DYRK3: variants seen among roughly 807,000 people sequenced by gnomAD.
DYRK3 encodes dual specificity tyrosine-phosphorylation-regulated kinase 3.
A neutral mutation model predicts 40.8 loss-of-function variants in DYRK3; 30 were observed. The observed-to-expected ratio is 0.74, with a 90% CI of 0.55 to 1.00. The LOEUF is 1.00. Among genes scored for constraint, DYRK3 ranks in the 50% least tolerant of loss-of-function variants. The pLI, the probability that DYRK3 is intolerant of heterozygous loss-of-function variation, is 0.00. For synonymous variants in DYRK3, 272 were observed against 260.7 expected, an observed-to-expected ratio of 1.04 and a Z score of -0.42; for missense variants, 699 against 731.5, an observed-to-expected ratio of 0.96 and a Z score of 0.51.
Position 206,648,262 on chromosome 1 carries a change from A to G in DYRK3, c.1064A>G (p.Asp355Gly). 1 of 1,614,146 alleles carries G rather than the reference A, an allele frequency of 6.2e-7. No homozygotes were observed. The highest frequency in any genetic ancestry group is 8.5e-7 in the Non-Finnish European group (1 of 1,180,034). Residue 355 changes from aspartate (D) to glycine (G), a missense_variant, in exon 3 of 3, where the codon GAC (aspartate) becomes GGC (glycine). Physicochemically the swap from Asp to Gly is moderately conservative, Grantham distance 94. Coordinates refer to ENST00000367109, the MANE Select transcript of DYRK3 (RefSeq NM_003582.4). ...GGGCGCAGTTCAACCAAGGTCATTG[A>G]CTTTGGGTCCAGCTGTTTCGAGTAC... ...HHGRSSTKVI[D>G]FGSSCFEYQK...
intron 1 of DYRK3, 150 bp downstream of exon 1, chr1:206,635,930 C>A: frequency 7.6e-7 from 1 of 1,314,000 alleles, no homozygotes. Flanking sequence ...ACCGCCCCCA[C>A]CTCCTCTCTA....
chr1:206,648,479 G>A lies in DYRK3; in HGVS notation c.1281G>A (p.Met427Ile). The A allele has an allele frequency of 1.2e-6, 2 of 1,614,162 alleles. No individual in the cohort carries two copies. Among genetic ancestry groups the A allele is most frequent in the East Asian group, 2.2e-5 (1 of 44,874 alleles). Reference sequence around the variant, plus strand: ...CCTGCATGATGGAGCTTCTAGGGATGCCACCACCAAAACTTCTGGAGCAAT... The same window carrying A: ...CCTGCATGATGGAGCTTCTAGGGATACCACCACCAAAACTTCTGGAGCAAT... ...QLACMMELLG[M>I]PPPKLLEQSK... The change falls in exon 3 of 3, where the codon ATG (methionine) becomes ATA (isoleucine). Residue 427 changes from methionine to isoleucine, a missense_variant. Physicochemically the swap from Met to Ile is conservative, Grantham distance 10 (BLOSUM62 1). Transcript: ENST00000367109.
intron 2 of DYRK3, among the ~76,000 whole-genome samples, chr1:206,643,799 C>A (rs540259487): frequency 6.6e-6 from 1 of 151,758 alleles, no homozygotes; most frequent in Non-Finnish European, 1.5e-5. Context: ...TGGAGGAAGC[C>A]GCCAGCAAGA....
At chr1:206,636,235 A>T in intron 1 of DYRK3, 1 of 402,418 alleles carries the variant, frequency 2.5e-6, no homozygotes, top group South Asian at 2.0e-5. Flanking sequence ...GTTATGGGCT[A>T]TGCTGGGTAC....
intron 2 of DYRK3, among the ~76,000 whole-genome samples, chr1:206,646,496 A>G (rs1028168951): frequency 6.6e-6 from 1 of 152,156 alleles, no homozygotes; most frequent in Non-Finnish European, 1.5e-5. Context: ...GAAGAGTTTT[A>G]TAAGTACCCC....
rs1671700677 is a variant in DYRK3, at chr1:206,654,351, G to A, written c.*5386G>A. Among the ~76,000 whole-genome samples the A allele has an allele frequency of 6.6e-6, 1 of 152,234 alleles. No homozygotes were observed. Among genetic ancestry groups the A allele is most frequent in the African/African-American group, 2.4e-5 (1 of 41,468 alleles). ...TGTCTTCGGTCTAGATGACCAATCT[G>A]TAGAACGCTATAACTTACTATGCGT... On this transcript the variant is annotated 3_prime_UTR_variant, in exon 3 of 3. Coordinates refer to ENST00000367109, the MANE Select transcript of DYRK3 (RefSeq NM_003582.4).
In DYRK3 at chr1:206,648,068, G is replaced by A; in HGVS notation, c.870G>A (p.Leu290=). 2 of 1,614,118 alleles carry A rather than the reference G, an allele frequency of 1.2e-6. No individual in the cohort carries two copies. Among genetic ancestry groups the A allele is most frequent in the Admixed American group, 1.7e-5 (1 of 60,006 alleles). The change falls in exon 3 of 3, where the codon TTG becomes TTA. Residue 290 remains leucine, a synonymous_variant. Coordinates refer to ENST00000367109, the MANE Select transcript of DYRK3 (RefSeq NM_003582.4). ...FRNHVCMAFE[L]LSIDLYELIK... ...ACCATGTTTGCATGGCCTTTGAATT[G>A]CTGAGCATAGACCTTTATGAGCTGA... is the stretch of plus-strand genomic sequence containing the variant.
In DYRK3 at chr1:206,652,657, C is replaced by T. The variant is rs893997944; in HGVS notation, c.*3692C>T. On this transcript the variant is annotated 3_prime_UTR_variant, in exon 3 of 3. Transcript: ENST00000367109. ...GAGTGGGCTGCTTAAAAACATGGTG[C>T]TCGTCCACATGGATTTGAGGAAGTT... 2.6e-5 allele frequency among the ~76,000 whole-genome samples: 4 copies of T among 152,150 alleles called. No homozygotes were observed. Among genetic ancestry groups the T allele is most frequent in the Non-Finnish European group, 4.4e-5 (3 of 68,018 alleles).
intron 2 of DYRK3, among the ~76,000 whole-genome samples, chr1:206,641,343 C>T (rs1264876219): frequency 2.0e-5 from 3 of 150,998 alleles, no homozygotes; most frequent in African/African-American, 4.9e-5. Flanking sequence ...TTTGGTTTTC[C>T]ATTTCTGAGT....
At chr1:206,644,030 G>GTTTTTTTTTTT (rs1558557214) in intron 2 of DYRK3, among the ~76,000 whole-genome samples, 10 of 88,062 alleles carry the variant, frequency 1.1e-4, no homozygotes, top group Non-Finnish European at 2.1e-4. Context: ...GGGACCTACA[G>GTTTTTTTTTTT]CTTTTTTTTT....
In DYRK3 at chr1:206,642,652, C is replaced by T. The variant is rs540620757; in HGVS notation, c.190-4736C>T. 3.9e-5 allele frequency among the ~76,000 whole-genome samples: 6 copies of T among 152,162 alleles called. No individual in the cohort carries two copies. In the South Asian group the frequency reaches 1.0e-3, roughly 26 times the overall value. The stretch of plus-strand genomic sequence containing the variant: ...TAGAGACATGGATGAAGCTAGAAAC[C>T]GTCATTCTGAGCAAACTTGCAAGGA... On this transcript the variant is annotated intron_variant, in intron 2 of 2. Transcript: ENST00000367109.
Position 206,647,553 on chromosome 1 carries a change from A to G in DYRK3, c.355A>G (p.Lys119Glu). Residue 119 changes from lysine to glutamate, a missense_variant, in exon 3 of 3, where the codon AAA becomes GAA. Lys to Glu is a moderately conservative substitution (Grantham distance 56, BLOSUM62 1). Transcript: ENST00000367109. The part of the protein sequence containing the change: ...EKCSPTVSQG[K>E]SSDCLNTVKS... ...ATGCTCTCCTACTGTTTCTCAGGGT[A>G]AAAGTTCAGATTGCTTGAATACAGT... The G allele has an allele frequency of 6.2e-7, 1 of 1,614,212 alleles. No individual in the cohort carries two copies.
chr1:206,648,847 G>A lies in DYRK3; in HGVS notation c.1649G>A (p.Gly550Glu), dbSNP rs529521269. 6.2e-7 allele frequency: 1 copy of A among 1,614,202 alleles called. No homozygotes were observed. Among genetic ancestry groups the A allele is most frequent in the Non-Finnish European group, 8.5e-7 (1 of 1,180,026 alleles). The change falls in exon 3 of 3, where the codon GGA (glycine) becomes GAA (glutamate). Residue 550 changes from glycine to glutamate, a missense_variant. Transcript: ENST00000367109. ...RVVNPASAFQ[G>E]LGSKLPPVVG... The stretch of plus-strand genomic sequence containing the variant: ...GTTAATCCTGCAAGTGCTTTCCAGG[G>A]ATTGGGTTCTAAGCTGCCTCCAGTT...
intron 2 of DYRK3, among the ~76,000 whole-genome samples, chr1:206,645,375 G>A (rs1671421122): frequency 6.6e-6 from 1 of 152,152 alleles, no homozygotes; most frequent in Admixed American, 6.5e-5. Flanking sequence ...TAATTCTTCA[G>A]GGTCCATTGA....
Position 206,654,361 on chromosome 1 carries a change from A to G in DYRK3, c.*5396A>G, listed in dbSNP as rs532725748. Reference sequence around the variant, plus strand: ...CTAGATGACCAATCTGTAGAACGCTATAACTTACTATGCGTAGAGCAGCGG... The same window carrying G: ...CTAGATGACCAATCTGTAGAACGCTGTAACTTACTATGCGTAGAGCAGCGG... On this transcript the variant is annotated 3_prime_UTR_variant, in exon 3 of 3. Coordinates refer to ENST00000367109, the MANE Select transcript of DYRK3 (RefSeq NM_003582.4). Among the ~76,000 whole-genome samples the G allele has an allele frequency of 3.6e-4, 55 of 152,386 alleles. No homozygotes were observed. The highest frequency in any genetic ancestry group is 4.4e-4 in the Non-Finnish European group (30 of 68,038).
intron 1 of DYRK3, 33 bp downstream of exon 1, chr1:206,635,813 G>GC (rs1165886111): frequency 1.0e-5 from 13 of 1,243,458 alleles, no homozygotes; most frequent in Non-Finnish European, 1.3e-5. Context: ...GGCTGGAGGC[G>GC]CCACAGGGAG....
rs1321851516 is a variant in DYRK3 at position 206,650,103 on chromosome 1, A to C, written c.*1138A>C. ...TTTTCTTTTTCTCTGCTAAGATTTA[A>C]ACAGTGAGGGCTGATAATAAAACTA... is the stretch of plus-strand genomic sequence containing the variant. On this transcript the variant is annotated 3_prime_UTR_variant, in exon 3 of 3. Transcript: ENST00000367109. Among the ~76,000 whole-genome samples, 1 of 152,240 alleles carries C rather than the reference A, an allele frequency of 6.6e-6. No homozygotes were observed. The highest frequency in any genetic ancestry group is 1.5e-5 in the Non-Finnish European group (1 of 68,046).
intron 1 of DYRK3, 113 bp downstream of exon 1, chr1:206,635,893 G>A: frequency 7.8e-7 from 1 of 1,276,176 alleles, no homozygotes. Context: ...GGAGGGACGA[G>A]GGCAGGGGTC....
chr1:206,640,619 C>T (rs1040711958), intron 2 of DYRK3, among the ~76,000 whole-genome samples: 2 of 148,282 alleles, frequency 1.3e-5, no homozygotes, highest in Non-Finnish European at 3.0e-5. Flanking sequence ...GGCACTATCT[C>T]GGCTCATTGC....
Sources: allele counts gnomAD v4.1 joint callset (sites outside exome capture counted in the v4.1 genomes callset), GRCh38; gene constraint gnomAD v4.1.1; transcripts MANE v1.5; gene names NCBI Gene and HGNC (gene_info 2026-07-23, HGNC 2026-07-21).